ADGRG1: variants seen among roughly 807,000 people sequenced by gnomAD.
ADGRG1 encodes 7-transmembrane protein with no EGF-like N-terminal domains-1.
A neutral mutation model predicts 73.5 loss-of-function variants in ADGRG1; 53 were observed. The observed-to-expected ratio is 0.72, with a 90% CI of 0.58 to 0.91. The LOEUF (loss-of-function observed/expected upper bound fraction) is 0.91. ADGRG1 is among the 40% of genes least tolerant of loss of function. The pLI, the probability that ADGRG1 is intolerant of heterozygous loss-of-function variation, is 0.00. For synonymous variants in ADGRG1, 394 were observed against 374.4 expected (o/e 1.05, Z -0.60); for missense variants, 795 against 871.8 (o/e 0.91, Z 1.11).
chr16:57,651,038 A>G (rs1482676687), intron 2 of ADGRG1, 162 bp from the exon 3 acceptor site: 2 of 1,540,164 alleles, frequency 1.3e-6, no homozygotes, highest in Admixed American at 1.9e-5. Flanking sequence ...TTTGATGCTG[A>G]TAAGTTTTGA....
At chr16:57,630,493 A>G (rs1208321391) in intron 1 of ADGRG1, 1 of 985,602 alleles carries the variant, frequency 1.0e-6, no homozygotes, top group South Asian at 4.7e-5. Flanking sequence ...AGGGGTGATC[A>G]CAGCTGCCCT....
chr16:57,625,167 C>T (rs535948355), upstream of ADGRG1, among the ~76,000 whole-genome samples: 61 of 152,246 alleles, frequency 4.0e-4, 1 homozygote, highest in South Asian at 0.011. Context: ...TGGACTCCGT[C>T]GCCAGCCAAT....
intron 7 of ADGRG1, 84 bp downstream of exon 7, chr16:57,656,076 T>TA: frequency 1.2e-6 from 2 of 1,613,618 alleles, no homozygotes; most frequent in Non-Finnish European, 1.7e-6. Flanking sequence ...CTCATTTGTC[T>TA]TTATAATGAA....
chr16:57,625,491 C>T (rs147125439), upstream of ADGRG1: 6,621 of 822,982 alleles, frequency 8.0e-3, 23 homozygotes, highest in Non-Finnish European at 8.9e-3. Flanking sequence ...TCTCCTCCCC[C>T]GCTCTTCCCC....
intron 10 of ADGRG1, among the ~76,000 whole-genome samples, chr16:57,658,178 G>A (rs559962502): frequency 6.6e-6 from 1 of 152,318 alleles, no homozygotes; most frequent in Non-Finnish European, 1.5e-5. Flanking sequence ...ATTTGTGAGA[G>A]CACTGGGTGG....
At chr16:57,647,459 C>T (rs1312615482) in intron 1 of ADGRG1, 3 of 983,700 alleles carry the variant, frequency 3.0e-6, no homozygotes, top group East Asian at 2.3e-4. Flanking sequence ...AGATACTTAG[C>T]TGAGACTGAT....
chr16:57,660,620 G>T, intron 11 of ADGRG1, 148 bp from the exon 12 acceptor site: 2 of 1,506,160 alleles, frequency 1.3e-6, no homozygotes, highest in Non-Finnish European at 1.8e-6. Context: ...GTCCAAACTT[G>T]GGGGAACTTC....
chr16:57,642,536 G>A, intron 1 of ADGRG1: 2 of 972,644 alleles, frequency 2.1e-6, no homozygotes, highest in Non-Finnish European at 1.2e-6. Flanking sequence ...CCTTCACGTT[G>A]GGTTGGGAAA....
Position 57,657,306 on chromosome 16 carries a change from C to T in ADGRG1, c.1168-67C>T, listed in dbSNP as rs150232756. 5.3e-3 allele frequency: 8,461 copies of T among 1,609,442 alleles called. 36 individuals are homozygous for T. Among genetic ancestry groups the T allele is most frequent in the South Asian group, 8.1e-3 (734 of 90,938 alleles). ...CCAGGGACCCCAGGTTAGCCCCTCA[C>T]GCAGGGCAAGCCTCCAGGTTGTGTG... On this transcript the variant is annotated intron_variant, in intron 9 of 13. Coordinates refer to ENST00000562631, the MANE Select transcript of ADGRG1 (RefSeq NM_201525.4).
chr16:57,653,178 G>C, intron 3 of ADGRG1, 25 bp from the exon 4 acceptor site: 1 of 1,604,148 alleles, frequency 6.2e-7, no homozygotes, highest in Non-Finnish European at 8.5e-7. Context: ...CAGCCTCGGC[G>C]GGGGCCTGTC....
chr16:57,625,264 G>C (rs749415240), upstream of ADGRG1, among the ~76,000 whole-genome samples: 1 of 152,162 alleles, frequency 6.6e-6, no homozygotes, highest in Non-Finnish European at 1.5e-5. Flanking sequence ...TGGGAAGCAG[G>C]GGGGACCTGT....
At position 57,659,419 on chromosome 16, in the gene ADGRG1, A is replaced by G. The variant is rs2046527661; in HGVS notation, c.1293A>G (p.Lys431=). ...TIAAYLCSRR[K]PRDYTIKVHM... ...GGGTGCCCCTGCCGTGCAGGAGGAAACCTCGGGACTACACCATCAAGGTGC... is the reference window on the plus strand; with the variant it reads ...GGGTGCCCCTGCCGTGCAGGAGGAAGCCTCGGGACTACACCATCAAGGTGC... The change falls in exon 11 of 14, where the codon AAA becomes AAG. Residue 431 remains lysine (K), a synonymous_variant. Coordinates refer to ENST00000562631, the MANE Select transcript of ADGRG1 (RefSeq NM_201525.4). The G allele has an allele frequency of 1.9e-6, 3 of 1,613,626 alleles. No individual in the cohort carries two copies. Among genetic ancestry groups the G allele is most frequent in the Non-Finnish European group, 2.5e-6 (3 of 1,179,952 alleles).
chr16:57,660,715 A>C, intron 11 of ADGRG1, 53 bp from the exon 12 acceptor site: 1 of 1,459,948 alleles, frequency 6.8e-7, no homozygotes, highest in Non-Finnish European at 9.5e-7. Context: ...CCAGCAGGGA[A>C]TGGGCAGGCC....
chr16:57,649,199 C>T (rs767142754), intron 1 of ADGRG1, among the ~76,000 whole-genome samples: 4 of 152,294 alleles, frequency 2.6e-5, no homozygotes, highest in Admixed American at 6.5e-5. Flanking sequence ...CTCCCCCTGG[C>T]GGTCATGATA....
rs143105916 is a variant in ADGRG1 at position 57,639,665 on chromosome 16, G to A, written c.-35-10588G>A. 7.5e-5 allele frequency: 74 copies of A among 985,664 alleles called. No homozygotes were observed. In the East Asian group the frequency reaches 5.4e-3, roughly 72 times the overall value. 61.1% of individuals were successfully genotyped at this position (985,664 alleles called of 1,614,324 possible). On this transcript the variant is annotated intron_variant, in intron 1 of 13. Coordinates refer to ENST00000562631, the MANE Select transcript of ADGRG1 (RefSeq NM_201525.4). Reference sequence around the variant, plus strand: ...ATAGTCTGCCTGATGCCACAAAGGAGTCCAGGTACGATTCTCCCGCCTCCT... The same window carrying A: ...ATAGTCTGCCTGATGCCACAAAGGAATCCAGGTACGATTCTCCCGCCTCCT...
In ADGRG1 at chr16:57,653,230, C is replaced by A. The variant is rs745554351; in HGVS notation, c.515C>A (p.Ala172Asp). ...HSPPHTAAHN[A>D]SVDMCELKRD... ...CCTCCCCACACGGCCGCTCACAATG[C>A]CTCGGTGGACATGTGCGAGCTCAAA... Residue 172 changes from alanine (A) to aspartate (D), a missense_variant, in exon 4 of 14, where the codon GCC becomes GAC. Ala to Asp is a moderately radical substitution (Grantham distance 126). Coordinates refer to ENST00000562631, the MANE Select transcript of ADGRG1 (RefSeq NM_201525.4). The A allele has an allele frequency of 1.9e-6, 3 of 1,611,800 alleles. No individual in the cohort carries two copies. The highest frequency in any genetic ancestry group is 1.1e-5 in the South Asian group (1 of 91,076).
At chr16:57,622,366 C>T (rs1050896714) in intron 2 of ADGRG1, among the ~76,000 whole-genome samples, 3 of 152,120 alleles carry the variant, frequency 2.0e-5, no homozygotes, top group Non-Finnish European at 4.4e-5. Flanking sequence ...TTTGAGCCCC[C>T]CAACCGCTGG....
intron 1 of ADGRG1, chr16:57,644,101 C>G (rs1473133860): frequency 1.0e-6 from 1 of 985,090 alleles, no homozygotes; most frequent in East Asian, 1.1e-4. Flanking sequence ...GCTCTTTGCA[C>G]TGTGCCCCGC....
chr16:57,628,294 C>T (rs1378456120), upstream of ADGRG1: 12 of 638,982 alleles, frequency 1.9e-5, no homozygotes, highest in African/African-American at 4.0e-5. Context: ...CAACCCCGGC[C>T]TCTCTGTGGG....
Sources: gnomAD v4.1 joint callset for allele counts (sites outside exome capture counted in the v4.1 genomes callset) on GRCh38, gnomAD v4.1.1 for gene constraint, MANE v1.5 for transcripts, NCBI Gene and HGNC (gene_info 2026-07-23, HGNC 2026-07-21) for gene names.